HMGN5: variants seen among roughly 807,000 people sequenced by gnomAD.
HMGN5 encodes high mobility group nucleosome-binding domain-containing protein 5.
Under a neutral mutation model 9.5 loss-of-function variants are expected in HMGN5, and 4 were observed. That is an observed-to-expected ratio of 0.42 (90% CI 0.21 to 0.96). The LOEUF (loss-of-function observed/expected upper bound fraction) is 0.96. Among genes scored for constraint, HMGN5 ranks in the 40% least tolerant of loss-of-function variants. The probability of loss-of-function intolerance (pLI) is 0.30; values close to 1 mark genes in which losing one functional copy is unlikely to be tolerated. For synonymous variants in HMGN5, 55 were observed against 57.1 expected (o/e 0.96, Z 0.16); for missense variants, 192 against 187.5 (o/e 1.02, Z -0.14).
At chrX:81,126,263 A>C (rs1390246735) in intron 1 of HMGN5, among the ~76,000 whole-genome samples, 2 of 110,901 alleles carry the variant, frequency 1.8e-5, no homozygotes, top group African/African-American at 6.6e-5. Flanking sequence ...TTAATGACTA[A>C]ATGACACATT....
intron 1 of HMGN5, among the ~76,000 whole-genome samples, chrX:81,183,395 C>T (rs573655858): frequency 4.4e-5 from 5 of 112,607 alleles, no homozygotes; most frequent in African/African-American, 1.6e-4. Context: ...GACCCAGGGC[C>T]CCGCTGCCCT....
intron 1 of HMGN5, among the ~76,000 whole-genome samples, chrX:81,179,747 C>A (rs2075455351): frequency 9.0e-6 from 1 of 111,606 alleles, no homozygotes; most frequent in South Asian, 3.8e-4. Flanking sequence ...ATTGCCCAGA[C>A]AATCCTAAGC....
At chrX:81,174,675 GATA>G (rs2075436340) in intron 1 of HMGN5, among the ~76,000 whole-genome samples, 1 of 111,115 alleles carries the variant, frequency 9.0e-6, no homozygotes, top group South Asian at 3.7e-4. Flanking sequence ...ATCAAATAAG[GATA>G]ATAATACCTA....
chrX:81,157,965 A>G (rs988571548), intron 1 of HMGN5, among the ~76,000 whole-genome samples: 1 of 110,276 alleles, frequency 9.1e-6, no homozygotes, highest in Non-Finnish European at 1.9e-5. Flanking sequence ...TATTTTCAGT[A>G]GAGACGGGGC....
intron 1 of HMGN5, among the ~76,000 whole-genome samples, chrX:81,199,255 C>T (rs1329659189): frequency 8.9e-6 from 1 of 111,957 alleles, no homozygotes; most frequent in East Asian, 2.8e-4. Flanking sequence ...AAGAACATTC[C>T]GTGCTCATGG....
intron 1 of HMGN5, among the ~76,000 whole-genome samples, chrX:81,155,059 A>G (rs1295373412): frequency 3.2e-5 from 3 of 94,177 alleles, no homozygotes; most frequent in Admixed American, 1.2e-4. Flanking sequence ...AAAAGAAAGG[A>G]TATCAGTATA....
chrX:81,174,240 C>T (rs745606796), intron 1 of HMGN5, among the ~76,000 whole-genome samples: 1 of 110,728 alleles, frequency 9.0e-6, no homozygotes, highest in African/African-American at 3.3e-5. Context: ...TTTAAAATCT[C>T]CTTTTCCTTT....
At chrX:81,138,483 G>C (rs2075317977) in intron 1 of HMGN5, among the ~76,000 whole-genome samples, 1 of 111,186 alleles carries the variant, frequency 9.0e-6, no homozygotes, top group Non-Finnish European at 1.9e-5. Context: ...TAGCAATAGA[G>C]AGAAATTACT....
intron 1 of HMGN5, among the ~76,000 whole-genome samples, chrX:81,200,806 T>C (rs2075524363): frequency 9.0e-6 from 1 of 111,126 alleles, no homozygotes; most frequent in African/African-American, 3.3e-5. Flanking sequence ...TGTATACCTA[T>C]GTAACAAACC....
chrX:81,133,200 A>G (rs909174131), intron 1 of HMGN5, among the ~76,000 whole-genome samples: 1 of 111,459 alleles, frequency 9.0e-6, no homozygotes, highest in Non-Finnish European at 1.9e-5. Flanking sequence ...AAATCAAAAA[A>G]AATAACAGAT....
At chrX:81,198,076 C>T (rs2075514351) in intron 1 of HMGN5, among the ~76,000 whole-genome samples, 1 of 111,385 alleles carries the variant, frequency 9.0e-6, no homozygotes. Context: ...TGATCATAAG[C>T]ATGATGATTG....
chrX:81,136,885 A>G (rs147195446), intron 1 of HMGN5, among the ~76,000 whole-genome samples: 1,882 of 111,555 alleles, frequency 0.017, 18 homozygotes, highest in Non-Finnish European at 0.028. Flanking sequence ...TACTAATTTT[A>G]AAAAGGTAGG....
chrX:81,149,693 T>C (rs1474129358), intron 1 of HMGN5, among the ~76,000 whole-genome samples: 3 of 111,575 alleles, frequency 2.7e-5, no homozygotes, highest in African/African-American at 9.8e-5. Flanking sequence ...ACACATAGCG[T>C]GAACATAAAG....
chrX:81,152,312 A>G (rs2075365641), intron 1 of HMGN5, among the ~76,000 whole-genome samples: 2 of 111,667 alleles, frequency 1.8e-5, no homozygotes, highest in South Asian at 7.5e-4. Context: ...AAAACAAACA[A>G]CCCCATCAAA....
chrX:81,124,902 G>T (rs759373754), intron 1 of HMGN5, among the ~76,000 whole-genome samples: 1 of 110,493 alleles, frequency 9.1e-6, no homozygotes, highest in South Asian at 3.8e-4. Context: ...GAACTGTAAC[G>T]TGTCCATTTA....
chrX:81,160,993 T>C (rs2075396491), intron 1 of HMGN5, among the ~76,000 whole-genome samples: 1 of 111,164 alleles, frequency 9.0e-6, no homozygotes, highest in Non-Finnish European at 1.9e-5. Flanking sequence ...TAGACAATTA[T>C]AAAATTTCCA....
intron 1 of HMGN5, among the ~76,000 whole-genome samples, chrX:81,131,003 A>C (rs1360290753): frequency 9.0e-6 from 1 of 111,708 alleles, no homozygotes; most frequent in African/African-American, 3.2e-5. Flanking sequence ...AGGCAAAGAC[A>C]AACAAGAGAG....
intron 1 of HMGN5, among the ~76,000 whole-genome samples, chrX:81,199,404 A>C (rs1393617602): frequency 8.9e-6 from 1 of 112,859 alleles, no homozygotes; most frequent in Non-Finnish European, 1.9e-5. Context: ...GAACCAAAAA[A>C]GAGCCCACAT....
chrX:81,141,707 T>C (rs1299579193), intron 1 of HMGN5, among the ~76,000 whole-genome samples: 2 of 111,433 alleles, frequency 1.8e-5, no homozygotes, highest in African/African-American at 3.3e-5. Flanking sequence ...TTTGAATATC[T>C]GGAAAGCCTT....
Sources: gnomAD v4.1 joint callset for allele counts (sites outside exome capture counted in the v4.1 genomes callset) on GRCh38, gnomAD v4.1.1 for gene constraint, MANE v1.5 for transcripts, NCBI Gene and HGNC (gene_info 2026-07-23, HGNC 2026-07-21) for gene names.